KCNC2: variants seen among roughly 807,000 people sequenced by gnomAD.
KCNC2 encodes the protein voltage-gated potassium channel KCNC2.
In KCNC2, 21 loss-of-function variants were observed where a neutral mutation model predicts 44.5. That is an observed-to-expected ratio of 0.47 (90% confidence interval 0.33 to 0.68). The LOEUF (loss-of-function observed/expected upper bound fraction) is 0.68. Ranked by LOEUF, KCNC2 falls within the 30% of genes least tolerant of loss-of-function variation. KCNC2 has a pLI of 0.01. For missense variants in KCNC2, 589 were observed against 826.2 expected (o/e 0.71, Z 3.52); for synonymous variants, 391 against 339.1 (o/e 1.15, Z -1.68).
chr12:75,073,887 G>A (rs1883655919), intron 2 of KCNC2, among the ~76,000 whole-genome samples: 1 of 152,084 alleles, frequency 6.6e-6, no homozygotes, highest in African/African-American at 2.4e-5. Flanking sequence ...CCTAATTAAA[G>A]TTGCTGCTTT....
At chr12:75,138,867 G>C (rs1323218545) in intron 2 of KCNC2, among the ~76,000 whole-genome samples, 1 of 151,608 alleles carries the variant, frequency 6.6e-6, no homozygotes, top group Non-Finnish European at 1.5e-5. Context: ...TGTAGTCCCA[G>C]CTACTCGGGA....
intron 2 of KCNC2, among the ~76,000 whole-genome samples, chr12:75,154,599 C>A (rs1356092557): frequency 6.6e-6 from 1 of 152,004 alleles, no homozygotes; most frequent in Non-Finnish European, 1.5e-5. Context: ...TTCCCCAATA[C>A]CATCTGTGCT....
chr12:75,048,193 T>C lies in KCNC2; in HGVS notation c.1740A>G (p.Thr580=). The change falls in exon 4 of 5, where the codon ACA becomes ACG. Residue 580 remains threonine, a synonymous_variant. Coordinates refer to ENST00000549446, the MANE Select transcript of KCNC2 (RefSeq NM_139137.4). ...RRGETCFLLT[T]GDYTCASDGG... The stretch of plus-strand genomic sequence containing the variant: ...CATCAGAAGCACACGTGTAATCACC[T>C]GTCGTCAGTAGGAAACATGTTTCCC... The C allele has an allele frequency of 1.2e-6, 2 of 1,613,154 alleles. No homozygotes were observed. The highest frequency in any genetic ancestry group is 1.3e-5 in the African/African-American group (1 of 74,958).
chr12:75,052,904 T>A (rs1225673958), intron 2 of KCNC2, among the ~76,000 whole-genome samples: 3 of 152,192 alleles, frequency 2.0e-5, no homozygotes, highest in Non-Finnish European at 1.5e-5. Context: ...TTTTCATGGC[T>A]TTGACTTGCT....
At chr12:75,146,398 A>G (rs1290536526) in intron 2 of KCNC2, among the ~76,000 whole-genome samples, 3 of 152,220 alleles carry the variant, frequency 2.0e-5, no homozygotes, top group Non-Finnish European at 4.4e-5. Flanking sequence ...TATAAGTGAC[A>G]TCTCTGGCTG....
At chr12:75,188,585 GGCGCGGTGGCTTACACCTGTAATCCCA>G (rs62795761) in intron 2 of KCNC2, among the ~76,000 whole-genome samples, 11,772 of 151,990 alleles carry the variant, frequency 0.077, 1,533 homozygotes, top group African/African-American at 0.27. Context: ...AAGGTGGCCG[GGCGCGGTGGCTTACACCTGTAATCCCA>G]GCACTTCGGG....
chr12:75,129,525 A>C (rs1888679559), intron 2 of KCNC2, among the ~76,000 whole-genome samples: 1 of 152,172 alleles, frequency 6.6e-6, no homozygotes, highest in Admixed American at 6.5e-5. Context: ...TTGTAAACAC[A>C]CAGGGCTGTG....
intron 2 of KCNC2, among the ~76,000 whole-genome samples, chr12:75,104,121 G>A (rs571251443): frequency 2.0e-5 from 3 of 152,154 alleles, no homozygotes; most frequent in South Asian, 4.2e-4. Flanking sequence ...AGGTATTGTG[G>A]TGTGAGTGTT....
At position 75,181,136 on chromosome 12, in the gene KCNC2, G is replaced by T. The variant is rs567211364; in HGVS notation, c.687+26161C>A. 1.6e-3 allele frequency among the ~76,000 whole-genome samples: 249 copies of T among 152,084 alleles called. 1 individual carries two copies. The highest frequency in any genetic ancestry group is 7.3e-3 in the South Asian group (35 of 4,816). On this transcript the variant is annotated intron_variant, in intron 2 of 4. Transcript: ENST00000549446. ...TAGTTTCTAGGATTCTCATGGAAATGGAAGAAAAAAACTAAAAGATCAATT... is the reference window on the plus strand; with the variant it reads ...TAGTTTCTAGGATTCTCATGGAAATTGAAGAAAAAAACTAAAAGATCAATT...
At chr12:75,046,627 T>G (rs1046651277) in intron 4 of KCNC2, among the ~76,000 whole-genome samples, 1 of 151,856 alleles carries the variant, frequency 6.6e-6, no homozygotes, top group African/African-American at 2.4e-5. Context: ...TTATTTAACA[T>G]GTACATATAT....
chr12:75,065,647 T>G (rs1882758242), intron 2 of KCNC2, among the ~76,000 whole-genome samples: 1 of 152,102 alleles, frequency 6.6e-6, no homozygotes, highest in Admixed American at 6.6e-5. Flanking sequence ...TGTACAGGTT[T>G]GTAGCTTAAA....
At chr12:75,168,273 G>A (rs2137563641) in intron 2 of KCNC2, among the ~76,000 whole-genome samples, 1 of 151,374 alleles carries the variant, frequency 6.6e-6, no homozygotes, top group Non-Finnish European at 1.5e-5. Context: ...ACAATAATCT[G>A]TAAAAATATA....
chr12:75,128,592 C>T (rs1888608969), intron 2 of KCNC2, among the ~76,000 whole-genome samples: 1 of 152,058 alleles, frequency 6.6e-6, no homozygotes, highest in South Asian at 2.1e-4. Context: ...CATACCCAAT[C>T]TCCTCTGTTC....
intron 2 of KCNC2, among the ~76,000 whole-genome samples, chr12:75,088,283 T>G (rs771452396): frequency 6.6e-6 from 1 of 151,990 alleles, no homozygotes; most frequent in Non-Finnish European, 1.5e-5. Context: ...GAAATAGAAA[T>G]AAAAATAATC....
intron 3 of KCNC2, 79 bp downstream of exon 3, chr12:75,050,311 T>C: frequency 1.9e-6 from 2 of 1,046,004 alleles, no homozygotes; most frequent in Non-Finnish European, 2.8e-6. Flanking sequence ...TTGCAGAAAA[T>C]GAGAATGACT....
intron 2 of KCNC2, among the ~76,000 whole-genome samples, chr12:75,097,997 A>G (rs1052614028): frequency 6.6e-6 from 1 of 152,106 alleles, no homozygotes. Context: ...TCTCTATGAG[A>G]ACTCTGTAAT....
intron 2 of KCNC2, among the ~76,000 whole-genome samples, chr12:75,141,916 T>C (rs964925060): frequency 1.3e-5 from 2 of 152,156 alleles, no homozygotes; most frequent in African/African-American, 4.8e-5. Context: ...TGTTATTTCT[T>C]TCATCCTCAC....
At chr12:75,115,532 C>T (rs1887597202) in intron 2 of KCNC2, among the ~76,000 whole-genome samples, 1 of 152,164 alleles carries the variant, frequency 6.6e-6, no homozygotes, top group Non-Finnish European at 1.5e-5. Flanking sequence ...TCCCATGTCT[C>T]GTTACCAAGT....
At chr12:75,075,289 T>G (rs1283666650) in intron 2 of KCNC2, among the ~76,000 whole-genome samples, 1 of 151,924 alleles carries the variant, frequency 6.6e-6, no homozygotes, top group Non-Finnish European at 1.5e-5. Context: ...CAGGCCAATG[T>G]TGATGGTTAC....
Sources: gnomAD v4.1 joint callset for allele counts (sites outside exome capture counted in the v4.1 genomes callset) on GRCh38, gnomAD v4.1.1 for gene constraint, MANE v1.5 for transcripts, NCBI Gene and HGNC (gene_info 2026-07-23, HGNC 2026-07-21) for gene names.